The following CAMKK2 variants were observed in gnomAD, a reference collection of about 807,000 sequenced individuals.
The protein encoded by CAMKK2 is calcium/calmodulin dependent protein kinase kinase 2, also known as calcium/calmodulin-dependent protein kinase kinase 2.
Under a neutral mutation model 67.2 loss-of-function variants are expected in CAMKK2, and 30 were observed. The observed-to-expected ratio is 0.45, with a 90% CI of 0.33 to 0.61. The LOEUF (loss-of-function observed/expected upper bound fraction) is 0.61. CAMKK2 is among the 20% of genes least tolerant of loss of function. The pLI, the probability that CAMKK2 is intolerant of heterozygous loss-of-function variation, is 0.02. For missense variants in CAMKK2, 643 were observed against 802.0 expected (o/e 0.80, Z 2.39); for synonymous variants, 322 against 326.2 (o/e 0.99, Z 0.14).
chr12:121,252,613 C>T, intron 11 of CAMKK2, 48 bp downstream of exon 11: 1 of 1,566,520 alleles, frequency 6.4e-7, no homozygotes, highest in Non-Finnish European at 8.8e-7. Flanking sequence ...ACTATTAACC[C>T]AGGGGCCACC....
At chr12:121,282,777 CAG>C (rs1011427841) in intron 1 of CAMKK2, among the ~76,000 whole-genome samples, 2 of 151,720 alleles carry the variant, frequency 1.3e-5, no homozygotes, top group African/African-American at 4.8e-5. Context: ...TTCTTTTTGA[CAG>C]AGTCTTGCTC....
rs529960218 is a variant in CAMKK2 at position 121,270,278 on chromosome 12, G to A, written c.519+620C>T. Among the ~76,000 whole-genome samples the A allele has an allele frequency of 6.6e-5, 10 of 151,876 alleles. No individual in the cohort carries two copies. In the South Asian group the frequency reaches 1.0e-3, roughly 16 times the overall value. ...CCAACTACTTGGGAGGCTGAGGCAGGAGAATCGCTTGAGCCTAGGAGGCAG... is the reference window on the plus strand; with the variant it reads ...CCAACTACTTGGGAGGCTGAGGCAGAAGAATCGCTTGAGCCTAGGAGGCAG... On this transcript the variant is annotated intron_variant, in intron 3 of 16. Coordinates refer to ENST00000404169, the MANE Select transcript of CAMKK2 (RefSeq NM_001270485.2).
At chr12:121,264,242 T>A (rs1894057814) in intron 5 of CAMKK2, among the ~76,000 whole-genome samples, 1 of 152,218 alleles carries the variant, frequency 6.6e-6, no homozygotes, top group Non-Finnish European at 1.5e-5. Context: ...AGCTCAGCAA[T>A]CTCAACACCC....
chr12:121,279,117 TC>T (rs1287979943), intron 1 of CAMKK2, among the ~76,000 whole-genome samples: 1 of 152,242 alleles, frequency 6.6e-6, no homozygotes, highest in Non-Finnish European at 1.5e-5. Context: ...CACTGAGCCA[TC>T]CGCCCCCAGC....
At chr12:121,255,316 TTATATATATATAATTATATATAATTTTA>T (rs1891908910) in intron 9 of CAMKK2, among the ~76,000 whole-genome samples, 1 of 4,566 alleles carries the variant, frequency 2.2e-4, no homozygotes, top group Non-Finnish European at 4.0e-4. Context: ...ATATATAATT[TTATATATATATAATTATATATAATTTTA>T]TATATATAAT....
chr12:121,260,064 C>T (rs923593454), intron 7 of CAMKK2, among the ~76,000 whole-genome samples: 13 of 152,250 alleles, frequency 8.5e-5, no homozygotes, highest in South Asian at 2.1e-4. Flanking sequence ...GCCTGGGCAA[C>T]GGAGCAAGAC....
At chr12:121,250,100 G>T in intron 11 of CAMKK2, 66 bp from the exon 12 acceptor site, 1 of 1,211,568 alleles carries the variant, frequency 8.3e-7, no homozygotes, top group Non-Finnish European at 1.2e-6. Flanking sequence ...AGGGCCACCT[G>T]TGCTGTGCCA....
At chr12:121,255,382 T>TTATA (rs10669483) in intron 9 of CAMKK2, among the ~76,000 whole-genome samples, 168 bp downstream of exon 9, 15,192 of 30,562 alleles carry the variant, frequency 0.5, 5,428 homozygotes, top group East Asian at 0.66. Flanking sequence ...ATATATAATT[T>TTATA]TATATATATA....
At chr12:121,243,095 G>A (rs573417155) in intron 16 of CAMKK2, among the ~76,000 whole-genome samples, 2 of 149,420 alleles carry the variant, frequency 1.3e-5, no homozygotes, top group East Asian at 4.0e-4. Context: ...GTGCAATGAC[G>A]TGATCTCAGC....
rs1888188370 is a variant in CAMKK2, at chr12:121,240,677, C to T, written c.*22G>A. ...CCCCAGAGGCGACGCGGCGCGCATG[C>T]GAGGTCGAGCGATCCAGGCAGCTAC... On this transcript the variant is annotated 3_prime_UTR_variant, in exon 17 of 17. Coordinates refer to ENST00000404169, the MANE Select transcript of CAMKK2 (RefSeq NM_001270485.2). The surrounding 1 kb of genome is among the most constrained non-coding windows in gnomAD (Gnocchi z 4.4). 5 of 1,574,132 alleles carry T rather than the reference C, an allele frequency of 3.2e-6. No individual in the cohort carries two copies. The highest frequency in any genetic ancestry group is 2.3e-5 in the East Asian group (1 of 43,190).
intron 7 of CAMKK2, 74 bp from the exon 8 acceptor site, chr12:121,255,878 C>G: frequency 7.4e-7 from 1 of 1,349,684 alleles, no homozygotes; most frequent in Non-Finnish European, 1.1e-6. Context: ...CCCCACCTCC[C>G]AACCACCTCC....
At chr12:121,257,722 TG>T (rs202087371) in intron 7 of CAMKK2, among the ~76,000 whole-genome samples, 1,659 of 152,278 alleles carry the variant, frequency 0.011, 15 homozygotes, top group East Asian at 0.028. Flanking sequence ...GATTTGCTAT[TG>T]CTTCAGGCTG....
chr12:121,246,989 C>T lies in CAMKK2; in HGVS notation c.1452+1617G>A, dbSNP rs955913879. On this transcript the variant is annotated intron_variant, in intron 14 of 16. Transcript: ENST00000404169. The stretch of plus-strand genomic sequence containing the variant: ...GTCAGACCACTTCCCAGTATCTACC[C>T]GCCCATCCCTGCTCCAGCTGCCCTG... Among the ~76,000 whole-genome samples the T allele has an allele frequency of 7.2e-5, 11 of 152,264 alleles. No individual in the cohort carries two copies. In the South Asian group the frequency reaches 2.1e-3, roughly 29 times the overall value.
intron 5 of CAMKK2, among the ~76,000 whole-genome samples, chr12:121,264,183 A>G (rs1164424724): frequency 6.6e-6 from 1 of 152,188 alleles, no homozygotes; most frequent in Non-Finnish European, 1.5e-5. Flanking sequence ...TCCCCAGTCC[A>G]TGCCCTGGTC....
intron 14 of CAMKK2, among the ~76,000 whole-genome samples, chr12:121,248,008 C>T (rs1889851942): frequency 6.6e-6 from 1 of 152,168 alleles, no homozygotes; most frequent in African/African-American, 2.4e-5. Context: ...CCCTCCTGGA[C>T]AGGGACTTGG....
At position 121,253,434 on chromosome 12, in the gene CAMKK2, A is replaced by T; in HGVS notation, c.946T>A (p.Ser316Thr). The T allele has an allele frequency of 6.2e-7, 1 of 1,614,104 alleles. No individual in the cohort carries two copies. Among genetic ancestry groups the T allele is most frequent in the Non-Finnish European group, 8.5e-7 (1 of 1,180,006 alleles). ...QKIIHRDIKP[S>T]NLLVGEDGHI... ...CCATCTTCTCCGACCAGGAGGTTGG[A>T]AGGTTTGATGTCACGGTGGATGATC... The change falls in exon 10 of 17, where the codon TCC becomes ACC. Residue 316 changes from serine (S) to threonine (T), a missense_variant. Ser to Thr is a moderately conservative substitution (Grantham distance 58, BLOSUM62 1). Around this residue, in one of 3 missense-constraint regions of CAMKK2, gnomAD observed 483 missense variants for 625.8 expected, o/e 0.77. Transcript: ENST00000404169. This position sits in a 1 kb window ranked among gnomAD's most constrained non-coding sequence, Gnocchi z 5.0.
chr12:121,260,876 C>T (rs1413807200), intron 6 of CAMKK2, among the ~76,000 whole-genome samples: 1 of 151,282 alleles, frequency 6.6e-6, no homozygotes, highest in African/African-American at 2.4e-5. Flanking sequence ...TCGCTTGAAC[C>T]TGGGAGGCAG....
At chr12:121,275,026 C>A (rs911502620) in intron 1 of CAMKK2, among the ~76,000 whole-genome samples, 3 of 152,142 alleles carry the variant, frequency 2.0e-5, no homozygotes, top group African/African-American at 4.8e-5. Context: ...ATAGAGCACA[C>A]ATATCCCCTA....
intron 6 of CAMKK2, among the ~76,000 whole-genome samples, chr12:121,260,912 C>G (rs1470845942): frequency 2.0e-5 from 3 of 147,078 alleles, no homozygotes; most frequent in African/African-American, 7.6e-5. Context: ...ACGATCACGC[C>G]ATTACACTTC....
Sources: allele counts gnomAD v4.1 joint callset (sites outside exome capture counted in the v4.1 genomes callset), GRCh38; gene constraint gnomAD v4.1.1; regional missense constraint gnomAD v4.1.1; non-coding constraint Gnocchi (gnomAD v3.1); transcripts MANE v1.5; gene names NCBI Gene and HGNC (gene_info 2026-07-23, HGNC 2026-07-21).